Variants in NAV3 observed in about 807,000 individuals in gnomAD.
NAV3 encodes the protein pore membrane and/or filament interacting like protein 1.
Under a neutral mutation model 244.7 loss-of-function variants are expected in NAV3, and 87 were observed. That is an observed-to-expected ratio of 0.36 (90% CI 0.30 to 0.42). The LOEUF (loss-of-function observed/expected upper bound fraction) is 0.42, where lower values mean the gene tolerates loss of function less well. Among genes scored for constraint, NAV3 ranks in the 20% least tolerant of loss-of-function variants. The pLI is 1.00. For missense variants in NAV3, 2,663 were observed against 2,893.3 expected, an observed-to-expected ratio of 0.92 and a Z score of 1.83; for synonymous variants, 1,126 against 1,042.2, an observed-to-expected ratio of 1.08 and a Z score of -1.55.
chr12:77,921,810 TAG>T (rs1307367140), intron 1 of NAV3, among the ~76,000 whole-genome samples: 2 of 152,160 alleles, frequency 1.3e-5, no homozygotes, highest in African/African-American at 4.8e-5. Context: ...ATGGGTATTG[TAG>T]AGAGAGAGAA....
intron 12 of NAV3, among the ~76,000 whole-genome samples, chr12:78,062,494 A>G (rs1884462566): frequency 6.6e-6 from 1 of 152,140 alleles, no homozygotes; most frequent in Non-Finnish European, 1.5e-5. Flanking sequence ...ATATTAACAT[A>G]TCAAAGGTAC....
intron 12 of NAV3, among the ~76,000 whole-genome samples, chr12:78,100,860 A>G (rs1447147386): frequency 6.6e-6 from 1 of 152,032 alleles, no homozygotes; most frequent in Admixed American, 6.6e-5. Flanking sequence ...CTTTTTGACA[A>G]TATCTACAAA....
At chr12:77,733,066 T>A (rs1286953551) in intron 2 of NAV3, among the ~76,000 whole-genome samples, 1 of 152,004 alleles carries the variant, frequency 6.6e-6, no homozygotes, top group African/African-American at 2.4e-5. Flanking sequence ...ATGATTGATT[T>A]TTTTTCCAGA....
intron 2 of NAV3, among the ~76,000 whole-genome samples, chr12:77,806,261 A>T (rs539458877): frequency 6.6e-6 from 1 of 151,878 alleles, no homozygotes; most frequent in African/African-American, 2.4e-5. Flanking sequence ...TGATGTTAGG[A>T]TGTTGATTTT....
intron 2 of NAV3, among the ~76,000 whole-genome samples, chr12:77,686,019 A>C (rs1299758904): frequency 6.6e-6 from 1 of 152,184 alleles, no homozygotes; most frequent in East Asian, 1.9e-4. Context: ...TACTGGAATA[A>C]AATGGATGGA....
At chr12:78,167,708 T>C (rs561113500) in intron 23 of NAV3, among the ~76,000 whole-genome samples, 1 of 151,722 alleles carries the variant, frequency 6.6e-6, no homozygotes, top group Admixed American at 6.6e-5. Context: ...CCAAAGATGC[T>C]GAAGGCAGTG....
At chr12:78,017,401 C>G (rs1245085005) in intron 8 of NAV3, among the ~76,000 whole-genome samples, 1 of 152,010 alleles carries the variant, frequency 6.6e-6, no homozygotes, top group Non-Finnish European at 1.5e-5. Flanking sequence ...TTAGTGCGCT[C>G]CAGCCGGGGT....
At chr12:77,900,536 C>T (rs1433163054) in intron 1 of NAV3, among the ~76,000 whole-genome samples, 1 of 152,032 alleles carries the variant, frequency 6.6e-6, no homozygotes, top group Admixed American at 6.5e-5. Context: ...TTTATGGCTG[C>T]ATAGTATTCC....
At chr12:77,705,849 AT>A (rs1023313607) in intron 2 of NAV3, among the ~76,000 whole-genome samples, 3 of 151,062 alleles carry the variant, frequency 2.0e-5, no homozygotes, top group East Asian at 1.9e-4. Context: ...ATTACAGGTG[AT>A]TTTTTTTCTT....
At chr12:78,169,397 A>G (rs1957910466) in intron 24 of NAV3, among the ~76,000 whole-genome samples, 1 of 151,686 alleles carries the variant, frequency 6.6e-6, no homozygotes, top group Admixed American at 6.6e-5. Context: ...GTTTTAAATT[A>G]TTCCTATGCT....
At chr12:77,600,884 G>A (rs766762447) in intron 2 of NAV3, among the ~76,000 whole-genome samples, 5 of 151,870 alleles carry the variant, frequency 3.3e-5, no homozygotes, top group African/African-American at 1.2e-4. Context: ...CCTTAAAGTG[G>A]CAGGCTTCTG....
intron 2 of NAV3, among the ~76,000 whole-genome samples, chr12:77,595,854 T>C (rs1280523337): frequency 6.6e-6 from 1 of 152,198 alleles, no homozygotes; most frequent in African/African-American, 2.4e-5. Context: ...TGCTTTGCCA[T>C]GTGTATGTTT....
chr12:77,972,872 A>C (rs73346608), intron 5 of NAV3, among the ~76,000 whole-genome samples: 5,865 of 152,246 alleles, frequency 0.039, 209 homozygotes, highest in African/African-American at 0.096. Flanking sequence ...TCTAGTTGGC[A>C]GGAAAGCTAA....
At chr12:78,037,393 C>A in intron 9 of NAV3, 1 of 688,488 alleles carries the variant, frequency 1.5e-6, no homozygotes, top group Non-Finnish European at 2.7e-6. Context: ...TTAGGTAAGT[C>A]CAATTTGCTC....
intron 12 of NAV3, among the ~76,000 whole-genome samples, chr12:78,101,274 C>T (rs951308838): frequency 2.6e-5 from 4 of 152,130 alleles, no homozygotes; most frequent in Non-Finnish European, 5.9e-5. Context: ...AGAATGAAAG[C>T]ACACTAGAAG....
chr12:77,587,339 TAC>T (rs1385097056), intron 2 of NAV3, among the ~76,000 whole-genome samples: 1 of 152,124 alleles, frequency 6.6e-6, no homozygotes, highest in Non-Finnish European at 1.5e-5. Context: ...ATAAAATACT[TAC>T]AAAAATACAT....
intron 2 of NAV3, among the ~76,000 whole-genome samples, chr12:77,652,162 A>G (rs1725873): frequency 0.024 from 3,643 of 152,308 alleles, 54 homozygotes; most frequent in Middle Eastern, 0.044. Flanking sequence ...AGTACTCAGA[A>G]CAGTATTTAA....
chr12:77,933,348 A>G (rs1565934097), intron 1 of NAV3, among the ~76,000 whole-genome samples: 1 of 152,172 alleles, frequency 6.6e-6, no homozygotes, highest in Non-Finnish European at 1.5e-5. Flanking sequence ...TGGAAGGGTG[A>G]AGAGATGTTA....
rs554339333 is a variant in NAV3, at chr12:77,870,591, C to T, written c.243+38887C>T. Among the ~76,000 whole-genome samples the T allele has an allele frequency of 3.9e-5, 6 of 152,162 alleles. No homozygotes were observed. The South Asian group carries it at 8.3e-4, about 21-fold the overall frequency. The stretch of plus-strand genomic sequence containing the variant: ...TTAACAACTCAGAAAATCAATTATT[C>T]TTGCTGCTTCTGTTACAGATGCTGG... On this transcript the variant is annotated intron_variant, in intron 1 of 39. Coordinates refer to ENST00000397909, the MANE Select transcript of NAV3 (RefSeq NM_001024383.2).
Sources: gnomAD v4.1 joint callset for allele counts (sites outside exome capture counted in the v4.1 genomes callset) on GRCh38, gnomAD v4.1.1 for gene constraint, MANE v1.5 for transcripts, NCBI Gene and HGNC (gene_info 2026-07-23, HGNC 2026-07-21) for gene names.